Variants in NUDT6 observed in about 807,000 individuals in gnomAD.
The protein encoded by NUDT6 is FAD diphosphatase NUDT6.
NUDT6 carries 24 observed loss-of-function variants against 36.8 expected under a neutral mutation model. The ratio of observed to expected loss-of-function variants is 0.65; its 90% CI spans 0.47 to 0.92. The LOEUF (loss-of-function observed/expected upper bound fraction) is 0.92, where lower values mean the gene tolerates loss of function less well. NUDT6 is among the 40% of genes least tolerant of loss of function. The pLI is 0.00. For synonymous variants in NUDT6, 163 were observed against 157.0 expected (o/e 1.04, Z -0.29); for missense variants, 388 against 392.8 (o/e 0.99, Z 0.10).
chr4:122,897,516 G>C, intron 4 of NUDT6, 108 bp downstream of exon 4: 1 of 794,846 alleles, frequency 1.3e-6, no homozygotes, highest in Non-Finnish European at 2.2e-6. Context: ...GACTCAGTCG[G>C]AACAAATTGG....
At chr4:122,915,294 AC>A (rs1727806229) in intron 2 of NUDT6, among the ~76,000 whole-genome samples, 1 of 152,094 alleles carries the variant, frequency 6.6e-6, no homozygotes, top group East Asian at 1.9e-4. Context: ...ACATGGCGAA[AC>A]CCTATCTTTG....
At position 122,913,415 on chromosome 4, in the gene NUDT6, C is replaced by A. The variant is rs546628902; in HGVS notation, c.443-792G>T. Reference sequence around the variant, plus strand: ...TAGTCACCTCCCAAAGGCCCCACCTCTTAATACCATCACATTGGGGATCAG... The same window carrying A: ...TAGTCACCTCCCAAAGGCCCCACCTATTAATACCATCACATTGGGGATCAG... On this transcript the variant is annotated intron_variant, in intron 2 of 4. Transcript: ENST00000304430. 2.0e-5 allele frequency: 3 copies of A among 152,284 alleles called. No individual in the cohort carries two copies. In the East Asian group the frequency reaches 5.8e-4, roughly 29 times the overall value. 9.4% of individuals were successfully genotyped at this position (152,284 alleles called of 1,614,324 possible).
At chr4:122,916,914 T>A (rs1226682620) in intron 2 of NUDT6, among the ~76,000 whole-genome samples, 1 of 152,176 alleles carries the variant, frequency 6.6e-6, no homozygotes, top group Admixed American at 6.6e-5. Context: ...ACTAAGTAAC[T>A]AATGGATAGG....
At chr4:122,921,128 G>C (rs777985219) in intron 1 of NUDT6, 1 of 152,182 alleles carries the variant, frequency 6.6e-6, no homozygotes, top group African/African-American at 2.4e-5. Context: ...TTGAAAGCCA[G>C]TAAAAAGTTT....
At chr4:122,910,020 T>C (rs924994668) in intron 3 of NUDT6, among the ~76,000 whole-genome samples, 2 of 152,234 alleles carry the variant, frequency 1.3e-5, no homozygotes, top group African/African-American at 4.8e-5. Context: ...GAAAACACTT[T>C]CACTTATTTG....
At chr4:122,922,214 CCTT>C in intron 1 of NUDT6, 118 bp downstream of exon 1, 1 of 788,116 alleles carries the variant, frequency 1.3e-6, no homozygotes, top group Non-Finnish European at 1.9e-6. Context: ...GTCACGCGTG[CCTT>C]CTCCCTTTCC....
intron 3 of NUDT6, chr4:122,897,965 T>G (rs1727415997): frequency 3.4e-6 from 1 of 295,354 alleles, no homozygotes; most frequent in Non-Finnish European, 6.2e-6. Context: ...GAGGGAAACA[T>G]CTACTGAATT....
chr4:122,921,696 C>T (rs1728017255), intron 1 of NUDT6: 1 of 151,496 alleles, frequency 6.6e-6, no homozygotes, highest in African/African-American at 2.4e-5. Flanking sequence ...CTCATTTACC[C>T]TGATGTAATT....
In NUDT6 at chr4:122,899,044, A is replaced by ATTTTTTTTTTTTTT. The variant is rs113708696; in HGVS notation, c.499-1380_499-1367dup. Among the ~76,000 whole-genome samples, 325 of 69,380 alleles carry ATTTTTTTTTTTTTT rather than the reference A, an allele frequency of 4.7e-3. 34 individuals carry two copies. Among genetic ancestry groups the ATTTTTTTTTTTTTT allele is most frequent in the African/African-American group, 0.013 (296 of 22,060 alleles). 45.5% of individuals were successfully genotyped at this position (69,380 alleles called of 152,430 possible). A position where few individuals can be genotyped will look rare whatever the true frequency, so the allele number is the denominator to read the frequency against. The stretch of plus-strand genomic sequence containing the variant: ...CTACAGGTGTGCACCACCACACCTA[A>ATTTTTTTTTTTTTT]TTTTTTTTTTTTTTTTAGAGATGAG... On this transcript the variant is annotated intron_variant, in intron 3 of 4. Transcript: ENST00000304430.
At chr4:122,894,721 G>A (rs937253872) in intron 4 of NUDT6, 4 of 152,046 alleles carry the variant, frequency 2.6e-5, no homozygotes, top group Non-Finnish European at 4.4e-5. Flanking sequence ...ATGTTTAAAT[G>A]TCCATTTTTA....
At position 122,915,490 on chromosome 4, in the gene NUDT6, A is replaced by C. The variant is rs77589518; in HGVS notation, c.442+2011T>G. Among the ~76,000 whole-genome samples the C allele has an allele frequency of 2.5e-3, 351 of 140,612 alleles. 16 individuals carry two copies. Among genetic ancestry groups the C allele is most frequent in the Non-Finnish European group, 3.7e-3 (239 of 64,694 alleles). 92.2% of individuals were successfully genotyped at this position (140,612 alleles called of 152,430 possible). On this transcript the variant is annotated intron_variant, in intron 2 of 4. Transcript: ENST00000304430. ...GCCTCAAAAAAAAAAAAAAAAAAAAAAAAAAAAACAACTCTGCACCTTTCC... is the reference window on the plus strand; with the variant it reads ...GCCTCAAAAAAAAAAAAAAAAAAAACAAAAAAAACAACTCTGCACCTTTCC...
chr4:122,910,803 A>C (rs1317440486), intron 3 of NUDT6, among the ~76,000 whole-genome samples: 1 of 152,150 alleles, frequency 6.6e-6, no homozygotes, highest in Admixed American at 6.6e-5. Context: ...CAGAGTCAGA[A>C]AGACAGTTAA....
At chr4:122,918,813 C>T (rs1727904846) in intron 1 of NUDT6, 1 of 152,166 alleles carries the variant, frequency 6.6e-6, no homozygotes, top group Non-Finnish European at 1.5e-5. Context: ...CTCTCTTTGT[C>T]TGATGACATC....
intron 3 of NUDT6, among the ~76,000 whole-genome samples, chr4:122,898,394 TA>T (rs1560766523): frequency 1.3e-5 from 2 of 152,214 alleles, no homozygotes; most frequent in African/African-American, 4.8e-5. Context: ...CTGACATGAT[TA>T]CTTTTCTTCC....
At position 122,893,012 on chromosome 4, in the gene NUDT6, T is replaced by C. The variant is rs771682042; in HGVS notation, c.767A>G (p.Lys256Arg). The C allele has an allele frequency of 6.2e-7, 1 of 1,614,208 alleles. No homozygotes were observed. Among genetic ancestry groups the C allele is most frequent in the Admixed American group, 1.7e-5 (1 of 60,020 alleles). Residue 256 changes from lysine to arginine, a missense_variant, in exon 5 of 5, where the codon AAG becomes AGG. By Grantham distance (26) the Lys-to-Arg change is conservative. Transcript: ENST00000304430. ...CEWMDLNDLA[K>R]TENTTPITSR... is the part of the protein sequence containing the mutation. ...GGTGATGGGAGTTGTATTTTCAGTC[T>C]TCGCCAGGTCATTGAGATCCATCCA...
intron 3 of NUDT6, among the ~76,000 whole-genome samples, chr4:122,909,386 G>A (rs747665476): frequency 1.3e-5 from 2 of 152,052 alleles, no homozygotes; most frequent in Non-Finnish European, 2.9e-5. Context: ...ATTATTAAAT[G>A]AGAAACATTT....
At chr4:122,921,637 ATAAC>A (rs2125711689) in intron 1 of NUDT6, 2 of 151,776 alleles carry the variant, frequency 1.3e-5, no homozygotes, top group East Asian at 3.9e-4. Flanking sequence ...ACATTTAAAA[ATAAC>A]TAAGAGTAAC....
rs113708696 is a variant in NUDT6 at position 122,899,044 on chromosome 4, A to ATTTTTTT, written c.499-1373_499-1367dup. On this transcript the variant is annotated intron_variant, in intron 3 of 4. Coordinates refer to ENST00000304430, the MANE Select transcript of NUDT6 (RefSeq NM_007083.5). ...CTACAGGTGTGCACCACCACACCTA[A>ATTTTTTT]TTTTTTTTTTTTTTTTAGAGATGAG... Among the ~76,000 whole-genome samples the ATTTTTTT allele has an allele frequency of 5.6e-4, 39 of 69,410 alleles. 5 individuals carry two copies. The highest frequency in any genetic ancestry group is 1.1e-3 in the African/African-American group (25 of 22,092). 45.5% of individuals were successfully genotyped at this position (69,410 alleles called of 152,430 possible). A position where few individuals can be genotyped will look rare whatever the true frequency, so the allele number is the denominator to read the frequency against.
intron 2 of NUDT6, among the ~76,000 whole-genome samples, chr4:122,916,879 A>G (rs906108615): frequency 6.6e-6 from 1 of 152,212 alleles, no homozygotes; most frequent in Admixed American, 6.5e-5. Flanking sequence ...ATACTGGGAC[A>G]GCTGATCTGA....
Sources: allele counts gnomAD v4.1 joint callset (sites outside exome capture counted in the v4.1 genomes callset), GRCh38; gene constraint gnomAD v4.1.1; transcripts MANE v1.5; gene names NCBI Gene and HGNC (gene_info 2026-07-23, HGNC 2026-07-21).